Variants in RANBP2 observed in about 807,000 individuals in gnomAD.
The protein encoded by RANBP2 is RAN binding protein 2, also known as E3 SUMO-protein ligase RanBP2.
A neutral mutation model predicts 303.6 loss-of-function variants in RANBP2; 57 were observed. That is an observed-to-expected ratio of 0.19 (90% CI 0.15 to 0.23). RANBP2 has a LOEUF of 0.23. Among genes scored for constraint, RANBP2 ranks in the 10% least tolerant of loss-of-function variants. The probability of loss-of-function intolerance (pLI) is 1.00; values close to 1 mark genes in which losing one functional copy is unlikely to be tolerated. For missense variants in RANBP2, 3,138 were observed against 3,780.8 expected, an observed-to-expected ratio of 0.83 and a Z score of 4.46; for synonymous variants, 1,167 against 1,301.5, an observed-to-expected ratio of 0.90 and a Z score of 2.23.
chr2:109,274,799 A>C, the RANBP2 span, among the ~76,000 whole-genome samples: 1 of 152,176 alleles, frequency 6.6e-6, no homozygotes, highest in East Asian at 1.9e-4. Flanking sequence ...TTTTGCATCA[A>C]TAAAAGAGCT....
the RANBP2 span, among the ~76,000 whole-genome samples, chr2:109,696,741 G>A: frequency 0.27 from 40,462 of 152,076 alleles, 6,621 homozygotes; most frequent in Non-Finnish European, 0.36. Flanking sequence ...ACAGTAGCGA[G>A]TATTGTAATT....
At chr2:109,047,815 A>G in the RANBP2 span, among the ~76,000 whole-genome samples, 1 of 150,694 alleles carries the variant, frequency 6.6e-6, no homozygotes, top group East Asian at 1.9e-4. Context: ...TCTCAAAAAC[A>G]AAAAAACAAA....
the RANBP2 span, among the ~76,000 whole-genome samples, chr2:109,537,488 A>G: frequency 6.6e-6 from 1 of 152,162 alleles, no homozygotes; most frequent in African/African-American, 2.4e-5. Flanking sequence ...GTGAGACCAG[A>G]CTATAAATAC....
chr2:109,711,944 C>G, the RANBP2 span, among the ~76,000 whole-genome samples: 42 of 152,308 alleles, frequency 2.8e-4, no homozygotes, highest in African/African-American at 9.9e-4. Flanking sequence ...CACCACTAGG[C>G]CATGTTCCTC....
chr2:109,227,043 T>C, the RANBP2 span, among the ~76,000 whole-genome samples: 2 of 152,158 alleles, frequency 1.3e-5, no homozygotes, highest in Non-Finnish European at 2.9e-5. Flanking sequence ...AGCTCCACTG[T>C]CCTCTTCATA....
the RANBP2 span, among the ~76,000 whole-genome samples, chr2:108,852,260 ACT>A: frequency 6.6e-6 from 1 of 152,114 alleles, no homozygotes; most frequent in Non-Finnish European, 1.5e-5. Flanking sequence ...GTAAGATACA[ACT>A]CTTCTTTATG....
At chr2:109,660,638 A>T in the RANBP2 span, among the ~76,000 whole-genome samples, 1 of 152,234 alleles carries the variant, frequency 6.6e-6, no homozygotes, top group African/African-American at 2.4e-5. Context: ...ATGAGTAGCC[A>T]GTTGGCCTGG....
the RANBP2 span, among the ~76,000 whole-genome samples, chr2:109,352,665 C>T: frequency 2.0e-5 from 3 of 152,222 alleles, no homozygotes; most frequent in African/African-American, 4.8e-5. Flanking sequence ...ACCCGAGAAA[C>T]TCAGGGAACC....
chr2:108,976,427 A>T, the RANBP2 span, among the ~76,000 whole-genome samples: 3 of 152,162 alleles, frequency 2.0e-5, no homozygotes, highest in Non-Finnish European at 2.9e-5. Context: ...GCTGGCCTTG[A>T]TCACTGGGAT....
the RANBP2 span, among the ~76,000 whole-genome samples, chr2:108,901,467 T>C: frequency 1.3e-5 from 2 of 152,058 alleles, no homozygotes; most frequent in East Asian, 3.8e-4. Flanking sequence ...ATAAGTAATT[T>C]AGAAATAAGA....
At chr2:109,148,753 G>A in the RANBP2 span, among the ~76,000 whole-genome samples, 8 of 152,304 alleles carry the variant, frequency 5.3e-5, no homozygotes, top group South Asian at 6.2e-4. Flanking sequence ...ACTGGGGCTC[G>A]GTCATAGACA....
At chr2:109,273,546 T>C in the RANBP2 span, among the ~76,000 whole-genome samples, 1 of 152,182 alleles carries the variant, frequency 6.6e-6, no homozygotes, top group African/African-American at 2.4e-5. Flanking sequence ...ACGTGTTTAG[T>C]GAATGCATGT....
At chr2:108,957,684 C>A in the RANBP2 span, among the ~76,000 whole-genome samples, 1 of 152,274 alleles carries the variant, frequency 6.6e-6, no homozygotes, top group Non-Finnish European at 1.5e-5. Context: ...GATGTCCAAA[C>A]CCCATCCTTC....
At chr2:109,189,104 T>G in the RANBP2 span, among the ~76,000 whole-genome samples, 1 of 152,108 alleles carries the variant, frequency 6.6e-6, no homozygotes, top group Admixed American at 6.5e-5. Flanking sequence ...CTGAGAGAGA[T>G]GCCTCCACTG....
chr2:109,205,980 C>T, the RANBP2 span, among the ~76,000 whole-genome samples: 1 of 152,166 alleles, frequency 6.6e-6, no homozygotes, highest in African/African-American at 2.4e-5. Flanking sequence ...ACCATGTTTA[C>T]TCCAAAAGTG....
At chr2:108,910,624 G>A in the RANBP2 span, 2 of 1,386,330 alleles carry the variant, frequency 1.4e-6, no homozygotes, top group African/African-American at 2.8e-5. Context: ...GTTGGGCAGA[G>A]CTGCCCGGTG....
At chr2:109,104,382 G>T in the RANBP2 span, among the ~76,000 whole-genome samples, 1 of 152,090 alleles carries the variant, frequency 6.6e-6, no homozygotes, top group South Asian at 2.1e-4. Context: ...CCTTCCCATC[G>T]TGGAATGAAC....
At chr2:109,719,301 T>A in the RANBP2 span, among the ~76,000 whole-genome samples, 1 of 151,712 alleles carries the variant, frequency 6.6e-6, no homozygotes, top group South Asian at 2.1e-4. Flanking sequence ...GGTTTCTTCA[T>A]GTTGATCAGG....
At chr2:109,391,937 C>G in the RANBP2 span, among the ~76,000 whole-genome samples, 1 of 152,104 alleles carries the variant, frequency 6.6e-6, no homozygotes, top group South Asian at 2.1e-4. Context: ...CCCACCTCAG[C>G]CTCCTGAGTA....
Sources: allele counts gnomAD v4.1 joint callset (sites outside exome capture counted in the v4.1 genomes callset), GRCh38; gene constraint gnomAD v4.1.1; transcripts MANE v1.5; gene names NCBI Gene and HGNC (gene_info 2026-07-23, HGNC 2026-07-21).